PLEKHH1: variants seen among roughly 807,000 people sequenced by gnomAD.
PLEKHH1 encodes the protein pleckstrin homology domain-containing family H member 1.
PLEKHH1 carries 104 observed loss-of-function variants against 160.0 expected under a neutral mutation model. The observed-to-expected ratio is 0.65, with a 90% CI of 0.55 to 0.76. PLEKHH1 has a LOEUF of 0.76. Among genes scored for constraint, PLEKHH1 ranks in the 30% least tolerant of loss-of-function variants. The pLI is 0.00. For synonymous variants in PLEKHH1, 619 were observed against 678.4 expected (o/e 0.91, Z 1.36); for missense variants, 1,427 against 1,724.1 (o/e 0.83, Z 3.05).
At position 67,573,849 on chromosome 14, in the gene PLEKHH1, T is replaced by C; in HGVS notation, c.1888T>C (p.Cys630Arg). ...PQGQVDLNSR[C>R]QIVRGEGSQT... The stretch of plus-strand genomic sequence containing the variant: ...AGGCCAAGTGGATCTGAACTCCCGC[T>C]GCCAAATTGTTCGAGGGGAGGGTTC... Residue 630 changes from cysteine (C) to arginine (R), a missense_variant, in exon 13 of 29, where the codon TGC becomes CGC. Physicochemically the swap from Cys to Arg is radical, Grantham distance 180. Around this residue, in one of 6 missense-constraint regions of PLEKHH1, gnomAD observed 831 missense variants for 929.2 expected, o/e 0.89. Transcript: ENST00000329153. This position sits in a 1 kb window ranked among gnomAD's most constrained non-coding sequence, Gnocchi z 4.8. 1 of 1,613,822 alleles carries C rather than the reference T, an allele frequency of 6.2e-7. No homozygotes were observed. Among genetic ancestry groups the C allele is most frequent in the Non-Finnish European group, 8.5e-7 (1 of 1,179,712 alleles).
At chr14:67,572,566 C>T (rs2035440940) in intron 11 of PLEKHH1, among the ~76,000 whole-genome samples, 1 of 152,130 alleles carries the variant, frequency 6.6e-6, no homozygotes, top group African/African-American at 2.4e-5. Context: ...CCATATATGA[C>T]TTTGTTTTAT....
rs560162171 is a variant in PLEKHH1 at position 67,586,431 on chromosome 14, C to T, written c.3933+334C>T. On this transcript the variant is annotated intron_variant, in intron 28 of 28. Coordinates refer to ENST00000329153, the MANE Select transcript of PLEKHH1 (RefSeq NM_020715.3). The stretch of plus-strand genomic sequence containing the variant: ...CTCTTCTCTTCCTTGCAGCAGTCCT[C>T]AAGGCAGGGCAGATTCCTCTTTAAG... 19 of 1,325,308 alleles carry T rather than the reference C, an allele frequency of 1.4e-5. No individual in the cohort carries two copies. The Admixed American group carries it at 2.0e-4, about 14-fold the overall frequency. The allele number at this position is 1,325,308 out of a possible 1,614,324, so 82.1% of individuals were successfully genotyped here.
chr14:67,582,212 T>A lies in PLEKHH1; in HGVS notation c.3426+2T>A, dbSNP rs1309235436. 6.2e-7 allele frequency: 1 copy of A among 1,613,266 alleles called. No individual in the cohort carries two copies. The highest frequency in any genetic ancestry group is 8.5e-7 in the Non-Finnish European group (1 of 1,179,824). On this transcript the variant is annotated splice_donor_variant, in intron 24 of 28. Coordinates refer to ENST00000329153, the MANE Select transcript of PLEKHH1 (RefSeq NM_020715.3). LOFTEE classifies it high-confidence loss of function. This position sits in a 1 kb window ranked among gnomAD's most constrained non-coding sequence, Gnocchi z 5.0. ...GAGATGGCTGCCCTGATGGCCCAGGTAAGGTTCTGTTCAGGAAGCAGGAGG... is the reference window on the plus strand; with the variant it reads ...GAGATGGCTGCCCTGATGGCCCAGGAAAGGTTCTGTTCAGGAAGCAGGAGG...
At chr14:67,586,277 C>G in intron 28 of PLEKHH1, 180 bp downstream of exon 28, 1 of 1,089,216 alleles carries the variant, frequency 9.2e-7, no homozygotes, top group Non-Finnish European at 1.4e-6. Context: ...TATCAATGTT[C>G]AGCTAGTAGG....
Position 67,536,659 on chromosome 14 carries a change from A to C in PLEKHH1, c.-35+3261A>C, listed in dbSNP as rs536603779. Among the ~76,000 whole-genome samples the C allele has an allele frequency of 2.2e-4, 34 of 152,024 alleles. 1 individual carries two copies. The highest frequency in any genetic ancestry group is 8.0e-4 in the African/African-American group (33 of 41,254). On this transcript the variant is annotated intron_variant, in intron 1 of 28. Transcript: ENST00000329153. Reference sequence around the variant, plus strand: ...GGAGCTACCAGGATATTCAGGCTGTAGACTTGAGCCTCAAAAGCCACAATA... The same window carrying C: ...GGAGCTACCAGGATATTCAGGCTGTCGACTTGAGCCTCAAAAGCCACAATA...
In PLEKHH1 at chr14:67,573,505, G is replaced by A. The variant is rs2035482485; in HGVS notation, c.1839+119G>A. On this transcript the variant is annotated intron_variant, in intron 12 of 28. Coordinates refer to ENST00000329153, the MANE Select transcript of PLEKHH1 (RefSeq NM_020715.3). The surrounding 1 kb of genome is among the most constrained non-coding windows in gnomAD (Gnocchi z 4.8). ...AAGGCCAGAGGGCAAAGGTCTGGCAGGTGGGGAGAGGCAACCTCACTGGGC... is the reference window on the plus strand; with the variant it reads ...AAGGCCAGAGGGCAAAGGTCTGGCAAGTGGGGAGAGGCAACCTCACTGGGC... The A allele has an allele frequency of 1.4e-6, 1 of 707,694 alleles. No homozygotes were observed. The highest frequency in any genetic ancestry group is 2.4e-6 in the Non-Finnish European group (1 of 417,864). 43.8% of individuals were successfully genotyped at this position (707,694 alleles called of 1,614,324 possible). A position where few individuals can be genotyped will look rare whatever the true frequency, so the allele number is the denominator to read the frequency against.
At chr14:67,569,627 C>T (rs1282826330) in intron 8 of PLEKHH1, 13 of 481,690 alleles carry the variant, frequency 2.7e-5, no homozygotes, top group East Asian at 2.2e-4. Context: ...GTCCCATAGC[C>T]GTATGATTTG....
At chr14:67,542,639 A>AC (rs2034016118) in intron 2 of PLEKHH1, among the ~76,000 whole-genome samples, 1 of 152,196 alleles carries the variant, frequency 6.6e-6, no homozygotes, top group African/African-American at 2.4e-5. Context: ...TGGGAAACTG[A>AC]CCACCTTTCC....
At position 67,574,317 on chromosome 14, in the gene PLEKHH1, C is replaced by A; in HGVS notation, c.2002C>A (p.Gln668Lys). ...SLLEEWIRVL[Q>K]SLLKVQATGP... ...GCTGGAGGAGTGGATCCGAGTACTC[C>A]AGAGCCTGCTGAAGGTGCAGGCCAC... Residue 668 changes from glutamine to lysine, a missense_variant, in exon 14 of 29, where the codon CAG becomes AAG. Gln to Lys is a moderately conservative substitution (Grantham distance 53). Around this residue, in one of 6 missense-constraint regions of PLEKHH1, gnomAD observed 831 missense variants for 929.2 expected, o/e 0.89. Transcript: ENST00000329153. The surrounding 1 kb of genome is among the most constrained non-coding windows in gnomAD (Gnocchi z 4.2). The A allele has an allele frequency of 6.2e-7, 1 of 1,605,610 alleles. No individual in the cohort carries two copies. Among genetic ancestry groups the A allele is most frequent in the East Asian group, 2.2e-5 (1 of 44,532 alleles).
intron 1 of PLEKHH1, among the ~76,000 whole-genome samples, chr14:67,540,773 G>T (rs1425177636): frequency 1.3e-5 from 2 of 152,104 alleles, no homozygotes; most frequent in African/African-American, 2.4e-5. Context: ...CTATAAGGGG[G>T]ATTTGAAAAA....
At chr14:67,539,371 T>C (rs2033873636) in intron 1 of PLEKHH1, among the ~76,000 whole-genome samples, 1 of 152,188 alleles carries the variant, frequency 6.6e-6, no homozygotes, top group African/African-American at 2.4e-5. Flanking sequence ...ATTGTTTAGA[T>C]GACAGGGCTG....
At position 67,552,501 on chromosome 14, in the gene PLEKHH1, C is replaced by G. The variant is rs141223745; in HGVS notation, c.127-3324C>G. Among the ~76,000 whole-genome samples, 735 of 152,318 alleles carry G rather than the reference C, an allele frequency of 4.8e-3. 5 individuals are homozygous for G. The highest frequency in any genetic ancestry group is 7.1e-3 in the Non-Finnish European group (481 of 68,026). On this transcript the variant is annotated intron_variant, in intron 2 of 28. Transcript: ENST00000329153. ...AAGAAGGACTGGCTGGGTGCGGTGG[C>G]TCACGCCTGTAATTCCAGCCCTTTG...
In PLEKHH1 at chr14:67,576,592, C is replaced by G; in HGVS notation, c.2461+89C>G. 2 of 676,856 alleles carry G rather than the reference C, an allele frequency of 3.0e-6. No individual in the cohort carries two copies. Among genetic ancestry groups the G allele is most frequent in the Non-Finnish European group, 5.2e-6 (2 of 381,328 alleles). 41.9% of individuals were successfully genotyped at this position (676,856 alleles called of 1,614,324 possible). A position where few individuals can be genotyped will look rare whatever the true frequency, so the allele number is the denominator to read the frequency against. Reference sequence around the variant, plus strand: ...GATCCCAAAGAAAGCAGTGTTGTACCCTGAAGCTGTTTTTAAAACATCTAA... The same window carrying G: ...GATCCCAAAGAAAGCAGTGTTGTACGCTGAAGCTGTTTTTAAAACATCTAA... On this transcript the variant is annotated intron_variant, in intron 17 of 28. Coordinates refer to ENST00000329153, the MANE Select transcript of PLEKHH1 (RefSeq NM_020715.3). This position sits in a 1 kb window ranked among gnomAD's most constrained non-coding sequence, Gnocchi z 4.0.
intron 28 of PLEKHH1, chr14:67,586,803 G>T (rs1227216252): frequency 7.0e-7 from 1 of 1,423,204 alleles, no homozygotes; most frequent in Non-Finnish European, 9.3e-7. Context: ...CCCTTCCCTG[G>T]TTGTAGAGCT....
chr14:67,582,297 C>T lies in PLEKHH1; in HGVS notation c.3426+87C>T. 1 of 1,596,838 alleles carries T rather than the reference C, an allele frequency of 6.3e-7. No individual in the cohort carries two copies. The highest frequency in any genetic ancestry group is 8.5e-7 in the Non-Finnish European group (1 of 1,172,060). On this transcript the variant is annotated intron_variant, in intron 24 of 28. Transcript: ENST00000329153. The surrounding 1 kb of genome is among the most constrained non-coding windows in gnomAD (Gnocchi z 5.0). ...AGCCTGAAACACAGGAGAGATTCTGCAGATCCTGTGGTGCTCAGGAGAGGG... is the reference window on the plus strand; with the variant it reads ...AGCCTGAAACACAGGAGAGATTCTGTAGATCCTGTGGTGCTCAGGAGAGGG...
chr14:67,581,947 C>A, intron 23 of PLEKHH1, 122 bp from the exon 24 acceptor site: 1 of 949,356 alleles, frequency 1.1e-6, no homozygotes, highest in Non-Finnish European at 1.6e-6. Context: ...ACAAAATAGG[C>A]TCATAAATAG....
Position 67,578,552 on chromosome 14 carries a change from C to T in PLEKHH1, c.2770C>T (p.Leu924=). The part of the protein sequence containing the change: ...SLMQCWQLLA[L]CAPLFLPQHH... ...CTGGCAGTGCTGGCAGCTCCTCGCT[C>T]TGTGTGCTCCACTTTTCCTGCCTCA... The change falls in exon 20 of 29, where the codon CTG becomes TTG. Residue 924 remains leucine (L), a synonymous_variant. Transcript: ENST00000329153. This position sits in a 1 kb window ranked among gnomAD's most constrained non-coding sequence, Gnocchi z 5.0. 3 of 1,610,874 alleles carry T rather than the reference C, an allele frequency of 1.9e-6. No individual in the cohort carries two copies. Among genetic ancestry groups the T allele is most frequent in the Non-Finnish European group, 2.5e-6 (3 of 1,178,732 alleles).
intron 5 of PLEKHH1, 61 bp downstream of exon 5, chr14:67,559,752 C>T (rs779067361): frequency 2.1e-5 from 23 of 1,120,246 alleles, no homozygotes; most frequent in Admixed American, 9.8e-5. Flanking sequence ...CCCTGACCCC[C>T]GGAGTTTCCT....
chr14:67,581,055 G>T lies in PLEKHH1; in HGVS notation c.3284+17G>T. On this transcript the variant is annotated intron_variant, in intron 23 of 28. Coordinates refer to ENST00000329153, the MANE Select transcript of PLEKHH1 (RefSeq NM_020715.3). The stretch of plus-strand genomic sequence containing the variant: ...CAAGAACAGGTCCTAAGCACTGCAC[G>T]AGGGTGGGGCCAAACACAAGGGCTG... 6.5e-7 allele frequency: 1 copy of T among 1,529,350 alleles called. No homozygotes were observed. The highest frequency in any genetic ancestry group is 9.1e-7 in the Non-Finnish European group (1 of 1,102,858). The allele number at this position is 1,529,350 out of a possible 1,614,324, so 94.7% of individuals were successfully genotyped here.
Sources: gnomAD v4.1 joint callset for allele counts (sites outside exome capture counted in the v4.1 genomes callset) on GRCh38, gnomAD v4.1.1 for gene constraint, gnomAD v4.1.1 regional missense constraint, Gnocchi (gnomAD v3.1) non-coding constraint, MANE v1.5 for transcripts, NCBI Gene and HGNC (gene_info 2026-07-23, HGNC 2026-07-21) for gene names.